ADAMTS18: variants seen among roughly 807,000 people sequenced by gnomAD.
ADAMTS18 encodes the protein A disintegrin and metalloproteinase with thrombospondin motifs 18.
ADAMTS18 carries 157 observed loss-of-function variants against 165.9 expected under a neutral mutation model. The ratio of observed to expected loss-of-function variants is 0.95; its 90% CI spans 0.83 to 1.08. ADAMTS18 has a LOEUF of 1.08. ADAMTS18 is among the 50% of genes least tolerant of loss of function. The probability of loss-of-function intolerance (pLI) is 0.00; values close to 1 mark genes in which losing one functional copy is unlikely to be tolerated. For missense variants in ADAMTS18, 2,040 were observed against 1,534.0 expected (o/e 1.33, Z -5.51); for synonymous variants, 782 against 578.2 (o/e 1.35, Z -5.06).
At chr16:77,355,429 A>T (rs1261918087) in intron 9 of ADAMTS18, among the ~76,000 whole-genome samples, 1 of 152,194 alleles carries the variant, frequency 6.6e-6, no homozygotes, top group Non-Finnish European at 1.5e-5. Context: ...AAAATGCTCT[A>T]TTCATTAAAA....
At chr16:77,431,910 T>G (rs75668210) in intron 2 of ADAMTS18, among the ~76,000 whole-genome samples, 1 of 152,328 alleles carries the variant, frequency 6.6e-6, no homozygotes, top group East Asian at 1.9e-4. Context: ...TAGAACATTC[T>G]TTTGATGTTT....
At chr16:77,398,055 A>C (rs1261043010) in intron 3 of ADAMTS18, among the ~76,000 whole-genome samples, 1 of 152,080 alleles carries the variant, frequency 6.6e-6, no homozygotes, top group East Asian at 1.9e-4. Flanking sequence ...GGTGGCTCAC[A>C]CCTATAATCC....
intron 12 of ADAMTS18, among the ~76,000 whole-genome samples, chr16:77,334,613 T>G (rs1282393753): frequency 9.1e-6 from 1 of 110,360 alleles, no homozygotes; most frequent in Non-Finnish European, 1.7e-5. Context: ...ACTACTATAG[T>G]ATATAGTATA....
Position 77,284,200 on chromosome 16 carries a change from A to T in ADAMTS18, c.3551-129T>A. On this transcript the variant is annotated intron_variant, in intron 22 of 22. Transcript: ENST00000282849. The stretch of plus-strand genomic sequence containing the variant: ...CAGTGGTGTGGTGTGATCTCCGCTC[A>T]CTGCAATCTCTGCTGCCCAGGTTCA... The T allele has an allele frequency of 6.3e-6, 4 of 636,700 alleles. No homozygotes were observed. The Admixed American group carries it at 7.4e-5, about 12-fold the overall frequency. The allele number at this position is 636,700 out of a possible 1,614,324, so 39.4% of individuals were successfully genotyped here. A position where few individuals can be genotyped will look rare whatever the true frequency, so the allele number is the denominator to read the frequency against.
At chr16:77,321,935 C>T (rs2056006297) in intron 14 of ADAMTS18, among the ~76,000 whole-genome samples, 1 of 152,034 alleles carries the variant, frequency 6.6e-6, no homozygotes, top group Non-Finnish European at 1.5e-5. Context: ...GCGGGCAGAT[C>T]ACCTGAAGTC....
intron 16 of ADAMTS18, among the ~76,000 whole-genome samples, chr16:77,310,023 T>A (rs1048753741): frequency 1.3e-5 from 2 of 152,186 alleles, no homozygotes; most frequent in Admixed American, 1.3e-4. Context: ...CAAGAGATGA[T>A]CAGATACAGT....
chr16:77,434,660 C>A lies in ADAMTS18; in HGVS notation c.36G>T (p.Pro12=). 6.8e-7 allele frequency: 1 copy of A among 1,479,336 alleles called. No individual in the cohort carries two copies. The highest frequency in any genetic ancestry group is 8.9e-7 in the Non-Finnish European group (1 of 1,121,892). The allele number at this position is 1,479,336 out of a possible 1,614,324, so 91.6% of individuals were successfully genotyped here. Residue 12 remains proline (P), a synonymous_variant, in exon 1 of 23, where the codon CCG becomes CCT. Coordinates refer to ENST00000282849, the MANE Select transcript of ADAMTS18 (RefSeq NM_199355.4). ...CCCTCGGCGGGCCCGAACCCGCAGC[C>A]GGGAAGGCACACGCGAGCAGGAGGG... is the stretch of plus-strand genomic sequence containing the variant. ...ECALLLACAF[P]AAGSGPPRGL...
chr16:77,314,785 T>TATATATATATATATATATATATATAA (rs1430439608), intron 16 of ADAMTS18, among the ~76,000 whole-genome samples: 1 of 87,108 alleles, frequency 1.1e-5, no homozygotes, highest in African/African-American at 4.8e-5. Flanking sequence ...TATATATATA[T>TATATATATATATATATATATATATAA]AAAATATATG....
chr16:77,327,280 C>A (rs928028975), intron 12 of ADAMTS18, among the ~76,000 whole-genome samples: 1 of 152,150 alleles, frequency 6.6e-6, no homozygotes, highest in Non-Finnish European at 1.5e-5. Context: ...GTGCACCCCT[C>A]ACCCGATCAG....
chr16:77,366,329 G>A (rs1000422012), intron 4 of ADAMTS18, among the ~76,000 whole-genome samples: 46 of 152,150 alleles, frequency 3.0e-4, no homozygotes, highest in African/African-American at 6.3e-4. Context: ...AGACCGAGGC[G>A]GGTGGATCAC....
At chr16:77,378,345 A>AC (rs1248753735) in intron 3 of ADAMTS18, among the ~76,000 whole-genome samples, 6,039 of 65,106 alleles carry the variant, frequency 0.093, 368 homozygotes, top group African/African-American at 0.22. Context: ...AAAAACAAAA[A>AC]AAAACAAAAA....
chr16:77,389,609 A>G (rs892157671), intron 3 of ADAMTS18, among the ~76,000 whole-genome samples: 2 of 152,186 alleles, frequency 1.3e-5, no homozygotes, highest in Non-Finnish European at 2.9e-5. Flanking sequence ...CACCGACATC[A>G]CAAGACAGCC....
Position 77,319,961 on chromosome 16 carries a change from T to G in ADAMTS18, c.2420A>C (p.Asp807Ala). The change falls in exon 16 of 23, where the codon GAC becomes GCC. Residue 807 changes from aspartate (D) to alanine (A), a missense_variant. Coordinates refer to ENST00000282849, the MANE Select transcript of ADAMTS18 (RefSeq NM_199355.4). ...KYYLTGGWSI[D>A]WPGEFPFAGT... ...AGCGAAGGGGAACTCCCCAGGCCAG[T>G]CGATGCTCCAGCCCCCGGTGAGGTA... The G allele has an allele frequency of 6.2e-7, 1 of 1,614,158 alleles. No individual in the cohort carries two copies. The highest frequency in any genetic ancestry group is 8.5e-7 in the Non-Finnish European group (1 of 1,180,026).
chr16:77,368,936 G>A (rs749317891), intron 3 of ADAMTS18, among the ~76,000 whole-genome samples: 14 of 152,166 alleles, frequency 9.2e-5, no homozygotes, highest in Admixed American at 3.3e-4. Context: ...GGATATCTTC[G>A]TACCTGATTT....
intron 20 of ADAMTS18, 150 bp downstream of exon 20, chr16:77,292,926 G>A: frequency 4.7e-6 from 4 of 846,832 alleles, no homozygotes; most frequent in Non-Finnish European, 7.3e-6. Flanking sequence ...TTCACGCCAT[G>A]CTCCTGCCTC....
At chr16:77,414,471 A>G (rs867131279) in intron 3 of ADAMTS18, among the ~76,000 whole-genome samples, 1 of 152,330 alleles carries the variant, frequency 6.6e-6, no homozygotes, top group Middle Eastern at 3.4e-3. Context: ...AGTTTTAAGG[A>G]ATTGGATTAA....
intron 13 of ADAMTS18, 28 bp downstream of exon 13, chr16:77,325,838 T>A: frequency 6.3e-7 from 1 of 1,593,594 alleles, no homozygotes; most frequent in South Asian, 1.1e-5. Context: ...CATAGAGACT[T>A]ATTTGAATGT....
At chr16:77,298,200 G>C (rs1188150209) in intron 17 of ADAMTS18, among the ~76,000 whole-genome samples, 1 of 152,034 alleles carries the variant, frequency 6.6e-6, no homozygotes, top group Non-Finnish European at 1.5e-5. Context: ...ATAGTCATGA[G>C]CCACTGCACC....
intron 6 of ADAMTS18, 127 bp downstream of exon 6, chr16:77,363,675 G>A (rs1567514386): frequency 7.9e-6 from 6 of 762,624 alleles, no homozygotes; most frequent in Non-Finnish European, 1.4e-5. Flanking sequence ...ACTTTGAGGA[G>A]AGTCAGCCTA....
Sources: allele counts gnomAD v4.1 joint callset (sites outside exome capture counted in the v4.1 genomes callset), GRCh38; gene constraint gnomAD v4.1.1; transcripts MANE v1.5; gene names NCBI Gene and HGNC (gene_info 2026-07-23, HGNC 2026-07-21).